Variants in EYS observed in about 807,000 individuals in gnomAD.
EYS encodes protein eyes shut homolog.
EYS carries 250 observed loss-of-function variants against 282.1 expected under a neutral mutation model. That is an observed-to-expected ratio of 0.89 (90% confidence interval 0.80 to 0.98). EYS has a LOEUF of 0.98. Among genes scored for constraint, EYS ranks in the 50% least tolerant of loss-of-function variants. The probability of loss-of-function intolerance (pLI) is 0.00; values close to 1 mark genes in which losing one functional copy is unlikely to be tolerated. For missense variants in EYS, 4,016 were observed against 3,709.0 expected (o/e 1.08, Z -2.15); for synonymous variants, 1,355 against 1,282.9 (o/e 1.06, Z -1.20).
intron 31 of EYS, among the ~76,000 whole-genome samples, chr6:64,226,809 G>A (rs1254295256): frequency 1.3e-5 from 2 of 152,108 alleles, no homozygotes; most frequent in African/African-American, 4.8e-5. Flanking sequence ...GTAATGTCAA[G>A]TAGATGGGAA....
chr6:64,593,069 A>G (rs1338639754), intron 25 of EYS, 48 bp downstream of exon 25: 1 of 1,362,662 alleles, frequency 7.3e-7, no homozygotes. Context: ...TTTACCACAC[A>G]ACTTTTTCAA....
At chr6:64,199,853 A>G (rs572328245) in intron 31 of EYS, among the ~76,000 whole-genome samples, 1 of 152,312 alleles carries the variant, frequency 6.6e-6, no homozygotes, top group South Asian at 2.1e-4. Context: ...GGACTTTAAA[A>G]CTGTGTCCAC....
intron 20 of EYS, 144 bp from the exon 21 acceptor site, chr6:64,821,867 G>T: frequency 2.1e-6 from 1 of 476,304 alleles, no homozygotes; most frequent in Middle Eastern, 5.4e-4. Context: ...GTTTATTCCT[G>T]GGTTTCTTAT....
intron 5 of EYS, among the ~76,000 whole-genome samples, chr6:65,439,369 T>C (rs187707035): frequency 2.0e-5 from 3 of 152,160 alleles, no homozygotes; most frequent in African/African-American, 7.2e-5. Context: ...AGTAGTTTTT[T>C]TCCAATTCTG....
intron 16 of EYS, among the ~76,000 whole-genome samples, chr6:64,911,862 C>G (rs1345585004): frequency 6.6e-6 from 1 of 152,072 alleles, no homozygotes. Flanking sequence ...AGACCCCAAT[C>G]AAGAAAGTTT....
At position 64,818,059 on chromosome 6, in the gene EYS, T is replaced by C. The variant is rs146911210; in HGVS notation, c.3243+3586A>G. Reference sequence around the variant, plus strand: ...TAAATTCTGTAATTAGTTTTTTCCATTTCAGTACATAACATATATTTATAA... The same window carrying C: ...TAAATTCTGTAATTAGTTTTTTCCACTTCAGTACATAACATATATTTATAA... On this transcript the variant is annotated intron_variant, in intron 21 of 42. Transcript: ENST00000503581. Among the ~76,000 whole-genome samples the C allele has an allele frequency of 4.2e-3, 635 of 152,286 alleles. 6 individuals carry two copies. The highest frequency in any genetic ancestry group is 0.014 in the African/African-American group (592 of 41,574).
intron 12 of EYS, among the ~76,000 whole-genome samples, chr6:65,194,214 TAGG>T (rs1765710423): frequency 6.6e-6 from 1 of 151,876 alleles, no homozygotes; most frequent in Non-Finnish European, 1.5e-5. Context: ...TTCTGTTCAA[TAGG>T]AGTTTTTAAA....
At chr6:65,459,068 C>A (rs190664030) in intron 5 of EYS, among the ~76,000 whole-genome samples, 3 of 151,866 alleles carry the variant, frequency 2.0e-5, no homozygotes, top group African/African-American at 4.8e-5. Flanking sequence ...ATTTTCCTTA[C>A]GAAAATCAGA....
At chr6:65,645,056 C>A (rs1369888483) in intron 1 of EYS, among the ~76,000 whole-genome samples, 1 of 152,038 alleles carries the variant, frequency 6.6e-6, no homozygotes, top group Non-Finnish European at 1.5e-5. Flanking sequence ...TACCTCACAT[C>A]TCAGTACTAA....
chr6:64,444,581 C>A (rs141291924), intron 26 of EYS, among the ~76,000 whole-genome samples: 68 of 152,220 alleles, frequency 4.5e-4, no homozygotes, highest in African/African-American at 1.6e-3. Flanking sequence ...TTGTAAAGTA[C>A]TTGAGAGTAT....
chr6:64,267,304 C>A (rs1387793193), intron 30 of EYS, among the ~76,000 whole-genome samples: 2 of 152,096 alleles, frequency 1.3e-5, no homozygotes, highest in Non-Finnish European at 2.9e-5. Flanking sequence ...TTAAAGACTT[C>A]TTCCTCAAAC....
intron 2 of EYS, among the ~76,000 whole-genome samples, chr6:65,609,731 C>T (rs1399579792): frequency 6.6e-6 from 1 of 152,150 alleles, no homozygotes; most frequent in Non-Finnish European, 1.5e-5. Context: ...CAATCAGTTT[C>T]TCCAAAGCTA....
chr6:64,855,851 GTT>G (rs1216365677), intron 19 of EYS, among the ~76,000 whole-genome samples: 1 of 152,084 alleles, frequency 6.6e-6, no homozygotes, highest in African/African-American at 2.4e-5. Flanking sequence ...ATGACATAAA[GTT>G]AGAATCATAC....
At chr6:64,897,974 A>G (rs1326315971) in intron 18 of EYS, among the ~76,000 whole-genome samples, 3 of 152,198 alleles carry the variant, frequency 2.0e-5, no homozygotes, top group South Asian at 2.1e-4. Flanking sequence ...CTAAACCTAC[A>G]TTTGATTGGT....
intron 2 of EYS, among the ~76,000 whole-genome samples, chr6:65,619,451 G>C (rs1287418874): frequency 6.6e-6 from 1 of 152,106 alleles, no homozygotes. Flanking sequence ...AGGAGATTTT[G>C]GGCTGAGACA....
chr6:65,612,736 T>G (rs1375317136), intron 2 of EYS, among the ~76,000 whole-genome samples: 1 of 150,644 alleles, frequency 6.6e-6, no homozygotes, highest in Non-Finnish European at 1.5e-5. Context: ...TAGAATGTTA[T>G]TAATCTTTAT....
At chr6:63,836,219 T>C (rs929087918) in intron 36 of EYS, among the ~76,000 whole-genome samples, 3 of 152,060 alleles carry the variant, frequency 2.0e-5, no homozygotes, top group African/African-American at 7.2e-5. Context: ...TTCTGTAACA[T>C]GGATGAACTT....
chr6:64,633,230 G>A (rs573292078), intron 22 of EYS, among the ~76,000 whole-genome samples: 24 of 152,204 alleles, frequency 1.6e-4, no homozygotes, highest in Non-Finnish European at 3.1e-4. Flanking sequence ...AATAACTGTT[G>A]AAATTGTATG....
chr6:64,338,383 C>T (rs574423114), intron 29 of EYS, among the ~76,000 whole-genome samples: 2 of 151,118 alleles, frequency 1.3e-5, no homozygotes, highest in South Asian at 4.2e-4. Context: ...TTTACAACAG[C>T]TGCAGAAAGA....
Sources: allele counts gnomAD v4.1 joint callset (sites outside exome capture counted in the v4.1 genomes callset), GRCh38; gene constraint gnomAD v4.1.1; transcripts MANE v1.5; gene names NCBI Gene and HGNC (gene_info 2026-07-23, HGNC 2026-07-21).